Variants in PTP4A1 observed in about 807,000 individuals in gnomAD.
The protein encoded by PTP4A1 is protein tyrosine phosphatase 4A1, also known as protein tyrosine phosphatase type IVA 1.
PTP4A1 carries 9 observed loss-of-function variants against 20.5 expected under a neutral mutation model. The ratio of observed to expected loss-of-function variants is 0.44; its 90% confidence interval spans 0.26 to 0.77. The LOEUF (loss-of-function observed/expected upper bound fraction) is 0.77. PTP4A1 is among the 30% of genes least tolerant of loss of function. The pLI is 0.19. For synonymous variants in PTP4A1, 78 were observed against 67.4 expected, an observed-to-expected ratio of 1.16 and a Z score of -0.77; for missense variants, 137 against 218.8, an observed-to-expected ratio of 0.63 and a Z score of 2.36.
intron 2 of PTP4A1, chr6:63,548,867 A>G (rs1776312492): frequency 2.6e-6 from 2 of 769,578 alleles, no homozygotes; most frequent in African/African-American, 3.4e-5. Flanking sequence ...GCTTAGCCAA[A>G]GCGCCTTTGT....
chr6:63,568,668 AAAC>A (rs1432210656), upstream of PTP4A1, among the ~76,000 whole-genome samples: 1 of 152,208 alleles, frequency 6.6e-6, no homozygotes, highest in Non-Finnish European at 1.5e-5. Context: ...TAAAAAAAAA[AAAC>A]AATATTTGCA....
upstream of PTP4A1, among the ~76,000 whole-genome samples, chr6:63,517,713 A>C (rs1401509893): frequency 1.3e-5 from 2 of 152,172 alleles, no homozygotes; most frequent in African/African-American, 4.8e-5. Context: ...CTATAATTCC[A>C]CAATATGTAT....
At chr6:63,578,554 G>A (rs1778021311) in intron 3 of PTP4A1, 25 bp downstream of exon 3, 2 of 1,600,904 alleles carry the variant, frequency 1.2e-6, no homozygotes, top group South Asian at 2.3e-5. Flanking sequence ...GTTCTTATGG[G>A]TTTATGGTGC....
chr6:63,517,183 A>G (rs1210472827), upstream of PTP4A1, among the ~76,000 whole-genome samples: 5 of 152,176 alleles, frequency 3.3e-5, no homozygotes, highest in East Asian at 9.6e-4. Context: ...ATTATGGTCT[A>G]ACTATTCAGA....
rs112997864 is a variant in PTP4A1 at position 63,550,101 on chromosome 6, C to T, written c.-639-199C>T. 8.3e-3 allele frequency among the ~76,000 whole-genome samples: 1,268 copies of T among 152,140 alleles called. 14 individuals are homozygous for T. The highest frequency in any genetic ancestry group is 0.029 in the African/African-American group (1,187 of 41,502). Reference sequence around the variant, plus strand: ...GCAATTATTATGTGTCAACTTGAAACGTTTAAACAGATAAATTTTAAAAGA... The same window carrying T: ...GCAATTATTATGTGTCAACTTGAAATGTTTAAACAGATAAATTTTAAAAGA... On this transcript the variant is annotated intron_variant, in intron 2 of 3. Transcript: ENST00000639568.
At chr6:63,546,729 G>A (rs1779781) in intron 2 of PTP4A1, among the ~76,000 whole-genome samples, 5 of 152,122 alleles carry the variant, frequency 3.3e-5, no homozygotes, top group African/African-American at 1.2e-4. Flanking sequence ...TAGAGTACAA[G>A]CTTTCAGTTA....
intron 3 of PTP4A1, among the ~76,000 whole-genome samples, chr6:63,565,060 G>T (rs1200681549): frequency 2.0e-5 from 3 of 152,104 alleles, no homozygotes; most frequent in Non-Finnish European, 4.4e-5. Context: ...GCCCCAGATG[G>T]AGTGCAGTGG....
At chr6:63,552,535 T>C (rs1350299759) in intron 3 of PTP4A1, among the ~76,000 whole-genome samples, 1 of 152,204 alleles carries the variant, frequency 6.6e-6, no homozygotes, top group African/African-American at 2.4e-5. Flanking sequence ...GCTCTTTAGT[T>C]TAATTAGATC....
At position 63,580,429 on chromosome 6, in the gene PTP4A1, T is replaced by C; in HGVS notation, c.*255T>C. ...GCTTGTCATTTGTATCAATTGACCT[T>C]TCCCCAAATCATGCAGTATTGAGTT... On this transcript the variant is annotated 3_prime_UTR_variant, in exon 6 of 6. Transcript: ENST00000626021. The C allele has an allele frequency of 7.6e-6, 3 of 395,382 alleles. No homozygotes were observed. Among genetic ancestry groups the C allele is most frequent in the Non-Finnish European group, 1.4e-5 (3 of 214,484 alleles). The allele number at this position is 395,382 out of a possible 1,614,324, so 24.5% of individuals were successfully genotyped here.
intron 1 of PTP4A1, chr6:63,573,217 G>A (rs991297958): frequency 1.3e-5 from 2 of 153,080 alleles, no homozygotes; most frequent in African/African-American, 2.4e-5. Context: ...GGCCCGGGGT[G>A]GGGCGAGGGC....
chr6:63,543,936 T>G (rs1480781143), intron 2 of PTP4A1, among the ~76,000 whole-genome samples: 1 of 152,230 alleles, frequency 6.6e-6, no homozygotes, highest in Non-Finnish European at 1.5e-5. Flanking sequence ...TAAGAGTTGT[T>G]TATAAAGTTT....
intron 2 of PTP4A1, 130 bp downstream of exon 2, chr6:63,577,115 T>C: frequency 1.5e-6 from 1 of 688,186 alleles, no homozygotes; most frequent in Admixed American, 2.9e-5. Flanking sequence ...CAGAAATAAA[T>C]GTCAATGTCT....
At chr6:63,560,024 TA>T (rs1355269809) in intron 3 of PTP4A1, among the ~76,000 whole-genome samples, 1 of 152,160 alleles carries the variant, frequency 6.6e-6, no homozygotes, top group Non-Finnish European at 1.5e-5. Context: ...CATGAAAGAC[TA>T]AGGAAGGTAC....
intron 2 of PTP4A1, among the ~76,000 whole-genome samples, chr6:63,528,957 C>A (rs796111239): frequency 4.4e-4 from 66 of 151,700 alleles, no homozygotes; most frequent in African/African-American, 1.6e-3. Context: ...GGCGTGGTGG[C>A]ACATGCCTGT....
At chr6:63,578,340 C>T (rs1778005361) in intron 2 of PTP4A1, 97 bp from the exon 3 acceptor site, 1 of 1,311,946 alleles carries the variant, frequency 7.6e-7, no homozygotes, top group Non-Finnish European at 9.9e-7. Context: ...TTCTGTTAAC[C>T]AGCATACTTA....
intron 2 of PTP4A1, among the ~76,000 whole-genome samples, chr6:63,531,829 C>T (rs1205391927): frequency 2.6e-5 from 4 of 151,270 alleles, no homozygotes; most frequent in African/African-American, 9.7e-5. Flanking sequence ...TGGCCACATA[C>T]ACTTTTTTTT....
At chr6:63,544,649 C>G (rs1284580788) in intron 2 of PTP4A1, among the ~76,000 whole-genome samples, 1 of 152,008 alleles carries the variant, frequency 6.6e-6, no homozygotes, top group African/African-American at 2.4e-5. Flanking sequence ...TTCTATATGA[C>G]CTTGACGTTT....
intron 2 of PTP4A1, 67 bp from the exon 3 acceptor site, chr6:63,578,370 A>G: frequency 6.6e-7 from 1 of 1,510,916 alleles, no homozygotes; most frequent in Non-Finnish European, 8.9e-7. Context: ...GATGATCAGA[A>G]TATAAAATGT....
upstream of PTP4A1, among the ~76,000 whole-genome samples, chr6:63,517,997 A>G (rs1774792417): frequency 6.6e-6 from 1 of 152,068 alleles, no homozygotes; most frequent in African/African-American, 2.4e-5. Context: ...TACTAAAAAT[A>G]CAAAATTAGC....
Sources: gnomAD v4.1 joint callset for allele counts (sites outside exome capture counted in the v4.1 genomes callset) on GRCh38, gnomAD v4.1.1 for gene constraint, MANE v1.5 for transcripts, NCBI Gene and HGNC (gene_info 2026-07-23, HGNC 2026-07-21) for gene names.